PDE9A: variants seen among roughly 807,000 people sequenced by gnomAD.
PDE9A encodes high affinity cGMP-specific 3',5'-cyclic phosphodiesterase 9A.
PDE9A carries 60 observed loss-of-function variants against 87.4 expected under a neutral mutation model. That is an observed-to-expected ratio of 0.69 (90% CI 0.56 to 0.85). PDE9A has a LOEUF of 0.85. Among genes scored for constraint, PDE9A ranks in the 40% least tolerant of loss-of-function variants. The pLI, the probability that PDE9A is intolerant of heterozygous loss-of-function variation, is 0.00. For synonymous variants in PDE9A, 272 were observed against 279.4 expected, an observed-to-expected ratio of 0.97 and a Z score of 0.27; for missense variants, 665 against 779.0, an observed-to-expected ratio of 0.85 and a Z score of 1.74.
intron 1 of PDE9A, among the ~76,000 whole-genome samples, chr21:42,674,620 A>C (rs1002911467): frequency 3.3e-5 from 5 of 152,018 alleles, no homozygotes; most frequent in African/African-American, 7.3e-5. Context: ...CTTGTCCTCC[A>C]TGCCGGATTC....
intron 3 of PDE9A, among the ~76,000 whole-genome samples, chr21:42,691,689 A>G (rs1364147713): frequency 1.3e-5 from 2 of 151,308 alleles, no homozygotes; most frequent in African/African-American, 4.9e-5. Context: ...GCCCATCACC[A>G]TCACTATCCA....
chr21:42,701,185 A>T (rs1027172095), intron 4 of PDE9A: 1 of 152,182 alleles, frequency 6.6e-6, no homozygotes, highest in African/African-American at 2.4e-5. Context: ...ATAAATACTG[A>T]TAAATACATC....
rs1406920488 is a variant in PDE9A at position 42,760,769 on chromosome 21, C to T, written c.1003-56C>T. On this transcript the variant is annotated intron_variant, in intron 12 of 19. Transcript: ENST00000291539. This position sits in a 1 kb window ranked among gnomAD's most constrained non-coding sequence, Gnocchi z 5.2. ...TCACCCAATTCCACCCCCCCTCACCCCATCCCACCCTCCGAGTGAAGAGAG... is the reference window on the plus strand; with the variant it reads ...TCACCCAATTCCACCCCCCCTCACCTCATCCCACCCTCCGAGTGAAGAGAG... The T allele has an allele frequency of 5.2e-6, 5 of 968,654 alleles. No individual in the cohort carries two copies. Among genetic ancestry groups the T allele is most frequent in the Non-Finnish European group, 8.4e-6 (5 of 593,930 alleles). 60.0% of individuals were successfully genotyped at this position (968,654 alleles called of 1,614,324 possible). A position where few individuals can be genotyped will look rare whatever the true frequency, so the allele number is the denominator to read the frequency against.
At chr21:42,725,838 G>A (rs149809648) in intron 4 of PDE9A, among the ~76,000 whole-genome samples, 107 of 152,254 alleles carry the variant, frequency 7.0e-4, no homozygotes, top group African/African-American at 2.3e-3. Flanking sequence ...TCAGTTCTCC[G>A]CGTACATCAT....
Position 42,760,994 on chromosome 21 carries a change from C to A in PDE9A, c.1085+87C>A. The A allele has an allele frequency of 1.2e-6, 1 of 862,052 alleles. No homozygotes were observed. The highest frequency in any genetic ancestry group is 1.4e-5 in the South Asian group (1 of 73,868). 53.4% of individuals were successfully genotyped at this position (862,052 alleles called of 1,614,324 possible). On this transcript the variant is annotated intron_variant, in intron 13 of 19. Transcript: ENST00000291539. This position sits in a 1 kb window ranked among gnomAD's most constrained non-coding sequence, Gnocchi z 5.2. ...TGTCAGCCCAACCCTCAGAGCAGTT[C>A]CCAGATGGAGCTGTCAACGACGGCC...
At position 42,660,254 on chromosome 21, in the gene PDE9A, G is replaced by T. The variant is rs551062096; in HGVS notation, c.69+6371G>T. Among the ~76,000 whole-genome samples, 29 of 152,320 alleles carry T rather than the reference G, an allele frequency of 1.9e-4. No individual in the cohort carries two copies. Among genetic ancestry groups the T allele is most frequent in the African/African-American group, 6.7e-4 (28 of 41,586 alleles). On this transcript the variant is annotated intron_variant, in intron 1 of 19. Coordinates refer to ENST00000291539, the MANE Select transcript of PDE9A (RefSeq NM_002606.3). The surrounding 1 kb of genome is among the most constrained non-coding windows in gnomAD (Gnocchi z 4.7). ...ACGGCACAGCCCGATAGCTGGGCCT[G>T]CCCCAGACAAAGCGTGTCTGCACTC...
intron 7 of PDE9A, among the ~76,000 whole-genome samples, chr21:42,738,399 C>T (rs1328197199): frequency 6.6e-6 from 1 of 152,204 alleles, no homozygotes; most frequent in Non-Finnish European, 1.5e-5. Flanking sequence ...AGCTCTGTAG[C>T]CAAAGGACTG....
chr21:42,654,602 A>G (rs9981388), intron 1 of PDE9A, among the ~76,000 whole-genome samples: 13,038 of 152,144 alleles, frequency 0.086, 1,005 homozygotes, highest in African/African-American at 0.2. Flanking sequence ...TTGTGAGGAA[A>G]TCCCTCAAAC....
At chr21:42,758,038 T>C (rs2401097) in intron 10 of PDE9A, 72,103 of 152,244 alleles carry the variant, frequency 0.47, 17,503 homozygotes, top group African/African-American at 0.51. Flanking sequence ...CAGTGCCCTG[T>C]ACAGGCAGCA....
chr21:42,760,540 G>T lies in PDE9A; in HGVS notation c.1002+108G>T. 1 of 709,588 alleles carries T rather than the reference G, an allele frequency of 1.4e-6. No homozygotes were observed. Among genetic ancestry groups the T allele is most frequent in the Non-Finnish European group, 2.4e-6 (1 of 413,044 alleles). 44.0% of individuals were successfully genotyped at this position (709,588 alleles called of 1,614,324 possible). On this transcript the variant is annotated intron_variant, in intron 12 of 19. Coordinates refer to ENST00000291539, the MANE Select transcript of PDE9A (RefSeq NM_002606.3). This position sits in a 1 kb window ranked among gnomAD's most constrained non-coding sequence, Gnocchi z 5.2. ...CCACCAAGAGAGCCACAGGCGTGGGGTCCCCAGCCGCTCCGCCCCTCCTAG... is the reference window on the plus strand; with the variant it reads ...CCACCAAGAGAGCCACAGGCGTGGGTTCCCCAGCCGCTCCGCCCCTCCTAG...
intron 7 of PDE9A, among the ~76,000 whole-genome samples, chr21:42,737,654 C>T (rs749224105): frequency 5.3e-5 from 8 of 152,114 alleles, no homozygotes; most frequent in Non-Finnish European, 7.4e-5. Flanking sequence ...GATGGGGTTC[C>T]GCCATGTTGG....
intron 6 of PDE9A, among the ~76,000 whole-genome samples, chr21:42,732,715 G>A (rs558770113): frequency 3.2e-4 from 49 of 152,314 alleles, no homozygotes; most frequent in African/African-American, 7.9e-4. Flanking sequence ...GGGAGTTCAA[G>A]ACCAGCCTGA....
chr21:42,710,708 C>G (rs1380395377), intron 4 of PDE9A, among the ~76,000 whole-genome samples: 1 of 152,178 alleles, frequency 6.6e-6, no homozygotes, highest in Non-Finnish European at 1.5e-5. Flanking sequence ...TTTGCTCAGG[C>G]CAGGTCCGGT....
chr21:42,745,970 TGCCCCCA>T (rs2053805847), intron 8 of PDE9A, among the ~76,000 whole-genome samples: 2 of 152,230 alleles, frequency 1.3e-5, no homozygotes, highest in South Asian at 4.1e-4. Flanking sequence ...CTCCCGAAGC[TGCCCCCA>T]GCTCCTCACC....
intron 3 of PDE9A, among the ~76,000 whole-genome samples, chr21:42,691,497 C>T (rs1316541279): frequency 6.6e-6 from 1 of 151,988 alleles, no homozygotes; most frequent in Non-Finnish European, 1.5e-5. Flanking sequence ...ATCACCCAGA[C>T]ACATCACCAT....
At chr21:42,671,963 C>T (rs2300956) in intron 1 of PDE9A, among the ~76,000 whole-genome samples, 58,895 of 152,004 alleles carry the variant, frequency 0.39, 14,517 homozygotes, top group African/African-American at 0.71. Context: ...TGAGATGTGC[C>T]TGTTTGTCTT....
chr21:42,698,704 C>G (rs987114656), intron 3 of PDE9A, among the ~76,000 whole-genome samples: 1 of 152,124 alleles, frequency 6.6e-6, no homozygotes, highest in Non-Finnish European at 1.5e-5. Flanking sequence ...CACCTGTGAT[C>G]GGCAGTAGTA....
Position 42,695,614 on chromosome 21 carries a change from T to G in PDE9A, c.219-3354T>G, listed in dbSNP as rs763313302. ...CTCTGTGCATGCAGGGCCAGTATTCTCGGCCATTCTGGCTTAGAGAAAAGC... is the reference window on the plus strand; with the variant it reads ...CTCTGTGCATGCAGGGCCAGTATTCGCGGCCATTCTGGCTTAGAGAAAAGC... On this transcript the variant is annotated intron_variant, in intron 3 of 19. Transcript: ENST00000291539. The surrounding 1 kb of genome is among the most constrained non-coding windows in gnomAD (Gnocchi z 4.3). 1.4e-4 allele frequency among the ~76,000 whole-genome samples: 22 copies of G among 152,230 alleles called. No homozygotes were observed. Among genetic ancestry groups the G allele is most frequent in the Non-Finnish European group, 2.5e-4 (17 of 68,044 alleles).
At chr21:42,740,755 G>GATAGATA in intron 7 of PDE9A, among the ~76,000 whole-genome samples, 1 of 140,188 alleles carries the variant, frequency 7.1e-6, no homozygotes, top group East Asian at 2.1e-4. Flanking sequence ...TAGATAAACA[G>GATAGATA]GATAGATAGA....
Sources: gnomAD v4.1 joint callset for allele counts (sites outside exome capture counted in the v4.1 genomes callset) on GRCh38, gnomAD v4.1.1 for gene constraint, Gnocchi (gnomAD v3.1) non-coding constraint, MANE v1.5 for transcripts, NCBI Gene and HGNC (gene_info 2026-07-23, HGNC 2026-07-21) for gene names.